IGSF11: variants seen among roughly 807,000 people sequenced by gnomAD.
IGSF11 encodes immunoglobulin superfamily member 11.
Under a neutral mutation model 41.0 loss-of-function variants are expected in IGSF11, and 22 were observed. The ratio of observed to expected loss-of-function variants is 0.54; its 90% CI spans 0.38 to 0.77. IGSF11 has a LOEUF of 0.77. IGSF11 is among the 30% of genes least tolerant of loss of function. The probability of loss-of-function intolerance (pLI) is 0.00; values close to 1 mark genes in which losing one functional copy is unlikely to be tolerated. For missense variants in IGSF11, 444 were observed against 530.8 expected, an observed-to-expected ratio of 0.84 and a Z score of 1.61; for synonymous variants, 219 against 201.3, an observed-to-expected ratio of 1.09 and a Z score of -0.74.
At chr3:119,138,255 A>C (rs150146956) in intron 1 of IGSF11, among the ~76,000 whole-genome samples, 3 of 152,252 alleles carry the variant, frequency 2.0e-5, no homozygotes, top group African/African-American at 7.2e-5. Flanking sequence ...TATGTCAAAG[A>C]GATATCTTCA....
At position 119,080,285 on chromosome 3, in the gene IGSF11, TTC is replaced by T. The variant is rs368922657; in HGVS notation, c.49+24857_49+24858del. ...CTCTGAGGATTATGGGAAACATTTT[TTC>T]TTTATTCTTGAATATGCTTCTATTA... On this transcript the variant is annotated intron_variant, in intron 1 of 6. Coordinates refer to the IGSF11 transcript ENST00000354673. Among the ~76,000 whole-genome samples the T allele has an allele frequency of 5.0e-4, 76 of 152,326 alleles. 1 individual carries two copies. The highest frequency in any genetic ancestry group is 1.8e-3 in the African/African-American group (75 of 41,576).
chr3:119,035,819 T>C (rs551406187), upstream of IGSF11, among the ~76,000 whole-genome samples: 323 of 152,344 alleles, frequency 2.1e-3, no homozygotes, highest in Non-Finnish European at 4.0e-3. Context: ...TTTGAGGACA[T>C]ACCTGCCCAG....
chr3:119,000,971 C>T (rs1338140147), intron 1 of IGSF11, among the ~76,000 whole-genome samples: 1 of 152,184 alleles, frequency 6.6e-6, no homozygotes, highest in East Asian at 1.9e-4. Context: ...GCCCAGCAAC[C>T]ATATTTTCTA....
intron 6 of IGSF11, among the ~76,000 whole-genome samples, chr3:118,903,626 C>T (rs11922638): frequency 0.027 from 4,059 of 152,186 alleles, 165 homozygotes; most frequent in African/African-American, 0.092. Context: ...GGCCCAAACG[C>T]TTAAGAATTA....
chr3:119,113,701 G>T (rs1403835300), intron 1 of IGSF11, among the ~76,000 whole-genome samples: 1 of 152,176 alleles, frequency 6.6e-6, no homozygotes, highest in Admixed American at 6.5e-5. Flanking sequence ...TGTGGAGGAT[G>T]GTGACCCTCT....
At chr3:119,001,804 T>C (rs1422610569) in intron 1 of IGSF11, among the ~76,000 whole-genome samples, 4 of 145,262 alleles carry the variant, frequency 2.8e-5, no homozygotes, top group Non-Finnish European at 6.0e-5. Flanking sequence ...CATGAACTCA[T>C]CATTTTTTAT....
At chr3:119,048,459 T>G (rs983841038) in intron 1 of IGSF11, among the ~76,000 whole-genome samples, 3 of 152,146 alleles carry the variant, frequency 2.0e-5, no homozygotes, top group Non-Finnish European at 4.4e-5. Flanking sequence ...AGAAGGTGAA[T>G]CTCTGAATAA....
chr3:118,928,803 G>C (rs1942594745), intron 2 of IGSF11, 87 bp from the exon 3 acceptor site: 2 of 926,808 alleles, frequency 2.2e-6, no homozygotes, highest in Non-Finnish European at 3.2e-6. Flanking sequence ...AGTACCAAAT[G>C]CTGCACCAAA....
chr3:118,956,587 G>C (rs2107592969), intron 1 of IGSF11, among the ~76,000 whole-genome samples: 1 of 152,286 alleles, frequency 6.6e-6, no homozygotes, highest in African/African-American at 2.4e-5. Flanking sequence ...GATCAGTGGA[G>C]CAGTCGGAAC....
intron 1 of IGSF11, among the ~76,000 whole-genome samples, chr3:118,970,510 G>A (rs116559344): frequency 0.013 from 2,014 of 152,240 alleles, 55 homozygotes; most frequent in African/African-American, 0.046. Context: ...ATAAATTCAT[G>A]GTTTCCTGCC....
At chr3:119,069,291 T>A (rs775953251) in intron 1 of IGSF11, among the ~76,000 whole-genome samples, 6 of 152,128 alleles carry the variant, frequency 3.9e-5, no homozygotes, top group African/African-American at 7.2e-5. Flanking sequence ...TTTTAGTAGG[T>A]TGGGTTGGTA....
At chr3:119,098,722 T>C (rs887365149) in intron 1 of IGSF11, among the ~76,000 whole-genome samples, 3 of 152,250 alleles carry the variant, frequency 2.0e-5, no homozygotes, top group Non-Finnish European at 4.4e-5. Context: ...AAAAGGCATT[T>C]TGTGCAATTT....
In IGSF11 at chr3:119,100,424, T is replaced by C. The variant is rs532067591; in HGVS notation, c.49+4720A>G. On this transcript the variant is annotated intron_variant, in intron 1 of 6. Coordinates refer to the IGSF11 transcript ENST00000354673. ...AAAGAAGTCCCTGAGGCTTTGAGTCTAGGCAGGTAGAAATATTTTGAAGCC... is the reference window on the plus strand; with the variant it reads ...AAAGAAGTCCCTGAGGCTTTGAGTCCAGGCAGGTAGAAATATTTTGAAGCC... Among the ~76,000 whole-genome samples the C allele has an allele frequency of 3.9e-5, 6 of 152,334 alleles. No homozygotes were observed. The East Asian group carries it at 9.6e-4, about 24-fold the overall frequency.
At chr3:119,115,731 G>A (rs1008042098) in intron 1 of IGSF11, among the ~76,000 whole-genome samples, 11 of 151,730 alleles carry the variant, frequency 7.2e-5, no homozygotes, top group African/African-American at 1.5e-4. Flanking sequence ...TTTCCTTTTC[G>A]GTGAAGCTTT....
chr3:119,048,256 C>T (rs1301227009), intron 1 of IGSF11, among the ~76,000 whole-genome samples: 1 of 151,182 alleles, frequency 6.6e-6, no homozygotes, highest in Admixed American at 6.6e-5. Flanking sequence ...GCTAGCAAGA[C>T]AAATAAAGAA....
intron 1 of IGSF11, among the ~76,000 whole-genome samples, chr3:118,997,389 T>C (rs1469582513): frequency 6.6e-6 from 1 of 152,166 alleles, no homozygotes; most frequent in African/African-American, 2.4e-5. Context: ...CTGGGTCAGG[T>C]CTAGGTCAGC....
rs144317809 is a variant in IGSF11, at chr3:118,954,711, G to T, written c.53-24436C>A. Among the ~76,000 whole-genome samples, 665 of 152,206 alleles carry T rather than the reference G, an allele frequency of 4.4e-3. 11 individuals are homozygous for T. The highest frequency in any genetic ancestry group is 0.015 in the African/African-American group (634 of 41,548). On this transcript the variant is annotated intron_variant, in intron 1 of 6. Transcript: ENST00000393775. ...GATAAGTTGTGTGTTCACTGGAGTA[G>T]CATTTTTAATTTCCTTCAATACTTA...
At chr3:119,117,698 C>G (rs2077277517) in intron 1 of IGSF11, among the ~76,000 whole-genome samples, 1 of 152,148 alleles carries the variant, frequency 6.6e-6, no homozygotes, top group African/African-American at 2.4e-5. Context: ...AGCATTAACC[C>G]AAAGTCCACA....
intron 1 of IGSF11, among the ~76,000 whole-genome samples, chr3:119,137,805 C>T (rs1165947323): frequency 6.6e-6 from 1 of 152,058 alleles, no homozygotes; most frequent in Admixed American, 6.6e-5. Flanking sequence ...TTTCAAACTA[C>T]CCATCTGACA....
Sources: gnomAD v4.1 joint callset for allele counts (sites outside exome capture counted in the v4.1 genomes callset) on GRCh38, gnomAD v4.1.1 for gene constraint, MANE v1.5 for transcripts, NCBI Gene and HGNC (gene_info 2026-07-23, HGNC 2026-07-21) for gene names.